The following ASS1 variants were observed in gnomAD, a reference collection of about 807,000 sequenced individuals.
The protein encoded by ASS1 is argininosuccinate synthase 1.
Under a neutral mutation model 60.5 loss-of-function variants are expected in ASS1, and 58 were observed. That is an observed-to-expected ratio of 0.96 (90% CI 0.78 to 1.19). ASS1 has a LOEUF of 1.19. Among genes scored for constraint, ASS1 ranks in the 50% most tolerant of loss-of-function variants. The pLI is 0.00. For synonymous variants in ASS1, 200 were observed against 206.9 expected, an observed-to-expected ratio of 0.97 and a Z score of 0.29; for missense variants, 454 against 547.3, an observed-to-expected ratio of 0.83 and a Z score of 1.70.
At position 130,491,637 on chromosome 9, in the gene ASS1, GCA is replaced by G. The variant is rs1846452737; in HGVS notation, c.970+2176_970+2177del. Among the ~76,000 whole-genome samples, 1 of 152,202 alleles carries G rather than the reference GCA, an allele frequency of 6.6e-6. No individual in the cohort carries two copies. Among genetic ancestry groups the G allele is most frequent in the Non-Finnish European group, 1.5e-5 (1 of 68,030 alleles). ...CAGACAGGGGAACCCTGGGTGTAGG[GCA>G]CAGTTTGGCTCCTGGCTGCGGTCAC... On this transcript the variant is annotated intron_variant, in intron 12 of 14. Transcript: ENST00000352480. This position sits in a 1 kb window ranked among gnomAD's most constrained non-coding sequence, Gnocchi z 5.3.
rs2228429 is a variant in ASS1, at chr9:130,458,577, C to T, written c.351C>T (p.Gly117=). The stretch of plus-strand genomic sequence containing the variant: ...AGGGGGCCAAGTATGTGTCCCACGG[C>T]GCCACAGGAAAGGTGAGGCACCTGG... ...QREGAKYVSH[G]ATGKGNDQVR... is the part of the protein sequence containing the mutation. The change falls in exon 4 of 15, where the codon GGC becomes GGT. Residue 117 remains glycine, a synonymous_variant. Transcript: ENST00000352480. 113 of 1,612,656 alleles carry T rather than the reference C, an allele frequency of 7.0e-5. No individual in the cohort carries two copies. Among genetic ancestry groups the T allele is most frequent in the East Asian group, 3.6e-4 (16 of 44,864 alleles).
At position 130,459,214 on chromosome 9, in the gene ASS1, C is replaced by T. The variant is rs530465444; in HGVS notation, c.363+625C>T. 8.5e-5 allele frequency among the ~76,000 whole-genome samples: 13 copies of T among 152,290 alleles called. No homozygotes were observed. Among genetic ancestry groups the T allele is most frequent in the African/African-American group, 3.1e-4 (13 of 41,568 alleles). On this transcript the variant is annotated intron_variant, in intron 4 of 14. Transcript: ENST00000352480. This position sits in a 1 kb window ranked among gnomAD's most constrained non-coding sequence, Gnocchi z 4.6. ...GCCTCTGAAGGTGCCAGGAAGCCTC[C>T]GGCTCAGGCCTCTCTCCAGCTTCCA...
intron 6 of ASS1, among the ~76,000 whole-genome samples, chr9:130,468,469 T>C (rs1342513588): frequency 6.6e-6 from 1 of 152,206 alleles, no homozygotes; most frequent in Non-Finnish European, 1.5e-5. Context: ...TGGAGTGCAG[T>C]GGCACAATCC....
intron 11 of ASS1, among the ~76,000 whole-genome samples, chr9:130,485,044 GC>G (rs1338291757): frequency 4.6e-5 from 7 of 152,088 alleles, no homozygotes; most frequent in Non-Finnish European, 1.0e-4. Context: ...GTTCTGCCTG[GC>G]CTCTGCCCAC....
chr9:130,461,956 C>T (rs112745799), intron 4 of ASS1, among the ~76,000 whole-genome samples: 70 of 152,198 alleles, frequency 4.6e-4, no homozygotes, highest in African/African-American at 1.6e-3. Context: ...GAAGGGCATC[C>T]TGTTTGCTGG....
Position 130,489,491 on chromosome 9 carries a change from T to G in ASS1, c.970+27T>G. On this transcript the variant is annotated intron_variant, in intron 12 of 14. Coordinates refer to ENST00000352480, the MANE Select transcript of ASS1 (RefSeq NM_054012.4). This position sits in a 1 kb window ranked among gnomAD's most constrained non-coding sequence, Gnocchi z 4.1. ...TGCGTAAGACTCTATGGCTGCCCCC[T>G]CTAACCGCCTCACAAGGGATCCCAA... 5 of 1,613,868 alleles carry G rather than the reference T, an allele frequency of 3.1e-6. No individual in the cohort carries two copies. Among genetic ancestry groups the G allele is most frequent in the East Asian group, 2.2e-5 (1 of 44,856 alleles).
At chr9:130,448,188 G>T (rs917663665) in intron 1 of ASS1, among the ~76,000 whole-genome samples, 4 of 151,978 alleles carry the variant, frequency 2.6e-5, no homozygotes, top group Admixed American at 2.6e-4. Context: ...AGGGAGGGGG[G>T]TGCCCCACCC....
At chr9:130,472,015 G>A (rs1010941399) in intron 8 of ASS1, among the ~76,000 whole-genome samples, 21 of 152,140 alleles carry the variant, frequency 1.4e-4, no homozygotes, top group Admixed American at 1.2e-3. Flanking sequence ...GGGCGGGCTG[G>A]ACTGGGCCCT....
At chr9:130,448,860 G>T (rs749970044) in intron 1 of ASS1, among the ~76,000 whole-genome samples, 1 of 152,270 alleles carries the variant, frequency 6.6e-6, no homozygotes, top group Admixed American at 6.5e-5. Flanking sequence ...CACTGTGCTC[G>T]GCCATGAGAG....
chr9:130,482,924 G>T (rs1846206939), intron 11 of ASS1, among the ~76,000 whole-genome samples: 1 of 152,224 alleles, frequency 6.6e-6, no homozygotes, highest in Non-Finnish European at 1.5e-5. Context: ...CTGACGGCAA[G>T]AACTTGCTGT....
intron 6 of ASS1, among the ~76,000 whole-genome samples, chr9:130,469,353 G>A (rs1845818413): frequency 6.6e-6 from 1 of 151,846 alleles, no homozygotes; most frequent in African/African-American, 2.4e-5. Flanking sequence ...AACTGTTGAT[G>A]AGATAATCTA....
At chr9:130,447,865 T>C (rs991883224) in intron 1 of ASS1, among the ~76,000 whole-genome samples, 1 of 152,186 alleles carries the variant, frequency 6.6e-6, no homozygotes, top group Admixed American at 6.5e-5. Context: ...CAGAGCTTAG[T>C]GGGCACATAC....
At position 130,477,740 on chromosome 9, in the gene ASS1, A is replaced by G. The variant is rs889285213; in HGVS notation, c.688+779A>G. ...ACCTTTTCAGGAGGCTGGAGTGATC[A>G]GGGAGGCTTCCTGGAGGAGGTGGTG... On this transcript the variant is annotated intron_variant, in intron 9 of 14. Coordinates refer to ENST00000352480, the MANE Select transcript of ASS1 (RefSeq NM_054012.4). This position sits in a 1 kb window ranked among gnomAD's most constrained non-coding sequence, Gnocchi z 4.2. Among the ~76,000 whole-genome samples, 3 of 152,184 alleles carry G rather than the reference A, an allele frequency of 2.0e-5. No individual in the cohort carries two copies. Among genetic ancestry groups the G allele is most frequent in the African/African-American group, 7.2e-5 (3 of 41,458 alleles).
chr9:130,446,385 C>T (rs758360353), intron 1 of ASS1, among the ~76,000 whole-genome samples: 13 of 152,104 alleles, frequency 8.5e-5, no homozygotes, highest in Non-Finnish European at 1.5e-4. Context: ...TCCAAACTCC[C>T]TCTCCCTCCC....
chr9:130,448,608 G>T (rs1347952072), intron 1 of ASS1, among the ~76,000 whole-genome samples: 2 of 152,210 alleles, frequency 1.3e-5, no homozygotes, highest in Admixed American at 6.5e-5. Context: ...CTGTCACCCA[G>T]GCTGGAGTGT....
intron 11 of ASS1, among the ~76,000 whole-genome samples, chr9:130,484,188 C>T (rs1166536567): frequency 6.6e-6 from 1 of 152,196 alleles, no homozygotes; most frequent in East Asian, 1.9e-4. Context: ...TGCCCCACCT[C>T]TTCCAAATCA....
In ASS1 at chr9:130,501,033, A is replaced by C. The variant is rs781440434; in HGVS notation, c.*12A>C. 1 of 1,611,068 alleles carries C rather than the reference A, an allele frequency of 6.2e-7. No homozygotes were observed. The highest frequency in any genetic ancestry group is 2.2e-5 in the East Asian group (1 of 44,868). On this transcript the variant is annotated 3_prime_UTR_variant, in exon 15 of 15. Coordinates refer to ENST00000352480, the MANE Select transcript of ASS1 (RefSeq NM_054012.4). ...TCACTGCCAAATAGACCCGTGTACA[A>C]TGAGGAGCTGGGGCCTCCTCAATTT...
intron 6 of ASS1, 109 bp downstream of exon 6, chr9:130,466,908 A>G: frequency 7.8e-7 from 1 of 1,274,952 alleles, no homozygotes; most frequent in South Asian, 1.2e-5. Flanking sequence ...GACTGACCCC[A>G]TGTGATGGGG....
chr9:130,465,054 A>ATTTT (rs1332274615), intron 5 of ASS1, among the ~76,000 whole-genome samples: 1 of 71,928 alleles, frequency 1.4e-5, no homozygotes, highest in Non-Finnish European at 2.7e-5. Flanking sequence ...ATATATATAT[A>ATTTT]TATTTTTTTT....
Sources: gnomAD v4.1 joint callset for allele counts (sites outside exome capture counted in the v4.1 genomes callset) on GRCh38, gnomAD v4.1.1 for gene constraint, Gnocchi (gnomAD v3.1) non-coding constraint, MANE v1.5 for transcripts, NCBI Gene and HGNC (gene_info 2026-07-23, HGNC 2026-07-21) for gene names.